Variants in CSMD1 observed in about 807,000 individuals in gnomAD.
CSMD1 encodes CUB and Sushi multiple domains 1.
A neutral mutation model predicts 417.5 loss-of-function variants in CSMD1; 213 were observed. That is an observed-to-expected ratio of 0.51 (90% CI 0.46 to 0.57). The LOEUF (loss-of-function observed/expected upper bound fraction) is 0.57. CSMD1 is among the 20% of genes least tolerant of loss of function. CSMD1 has a pLI of 0.00. For missense variants in CSMD1, 6,923 were observed against 4,529.7 expected, an observed-to-expected ratio of 1.53 and a Z score of -15.17; for synonymous variants, 2,862 against 1,736.8, an observed-to-expected ratio of 1.65 and a Z score of -16.11.
chr8:3,037,714 T>G (rs1224418116), intron 50 of CSMD1, among the ~76,000 whole-genome samples: 2 of 152,212 alleles, frequency 1.3e-5, no homozygotes, highest in Admixed American at 6.5e-5. Context: ...AACGAAATGA[T>G]TCCTAAATGA....
intron 1 of CSMD1, among the ~76,000 whole-genome samples, chr8:4,830,098 G>A (rs974080520): frequency 1.3e-5 from 2 of 152,270 alleles, no homozygotes; most frequent in South Asian, 4.1e-4. Flanking sequence ...GTACTGAAGA[G>A]CTACATTCTT....
chr8:3,486,637 G>A (rs1818050698), intron 11 of CSMD1, among the ~76,000 whole-genome samples: 1 of 152,232 alleles, frequency 6.6e-6, no homozygotes, highest in Admixed American at 6.5e-5. Flanking sequence ...CAGATTAGCT[G>A]AAATGGAGCA....
intron 30 of CSMD1, among the ~76,000 whole-genome samples, chr8:3,212,341 A>C (rs1273305457): frequency 6.6e-6 from 1 of 152,126 alleles, no homozygotes; most frequent in Non-Finnish European, 1.5e-5. Context: ...GCCTATGATC[A>C]CGATTTTAAA....
chr8:3,136,150 G>A (rs530301015), intron 41 of CSMD1, among the ~76,000 whole-genome samples: 36 of 152,080 alleles, frequency 2.4e-4, no homozygotes, highest in African/African-American at 5.5e-4. Flanking sequence ...TATGGAGTCC[G>A]GGTTAGTCCT....
Position 3,396,325 on chromosome 8 carries a change from G to T in CSMD1, c.2462C>A (p.Ser821Ter). The stretch of plus-strand genomic sequence containing the variant: ...GTGGTACTCGCCGATCAGTGGGGAC[G>T]AACTGGCTGGCCCATCTCTGACCTC... Reference protein sequence around the residue: ...TLEVRDGPASSSPLIGEYHGT... With the variant: ...TLEVRDGPAS The change falls in exon 17 of 70, where the codon TCG (serine) becomes TAG (stop). Residue 821 changes from serine to a stop codon, truncating the protein, a stop_gained. Coordinates refer to ENST00000635120, the MANE Select transcript of CSMD1 (RefSeq NM_033225.6). LOFTEE classifies it high-confidence loss of function. 1 of 1,607,826 alleles carries T rather than the reference G, an allele frequency of 6.2e-7. No homozygotes were observed. The highest frequency in any genetic ancestry group is 8.5e-7 in the Non-Finnish European group (1 of 1,177,144).
At chr8:3,686,705 G>A (rs1416373309) in intron 7 of CSMD1, among the ~76,000 whole-genome samples, 4 of 151,980 alleles carry the variant, frequency 2.6e-5, no homozygotes, top group East Asian at 3.9e-4. Context: ...CCTTACCCTC[G>A]CCCAAGTCCC....
At chr8:3,329,140 T>C (rs1045585123) in intron 23 of CSMD1, among the ~76,000 whole-genome samples, 2 of 152,076 alleles carry the variant, frequency 1.3e-5, no homozygotes, top group African/African-American at 4.8e-5. Flanking sequence ...AGATATGTAA[T>C]TGAAGGAGAG....
chr8:4,022,307 G>C (rs1415228384), intron 4 of CSMD1, among the ~76,000 whole-genome samples: 1 of 151,882 alleles, frequency 6.6e-6, no homozygotes, highest in Non-Finnish European at 1.5e-5. Context: ...AGGAAGAGAA[G>C]TATTATTTAG....
At chr8:3,635,793 C>CAAAAAAAAA (rs752552617) in intron 7 of CSMD1, among the ~76,000 whole-genome samples, 13 of 99,220 alleles carry the variant, frequency 1.3e-4, no homozygotes, top group African/African-American at 2.1e-4. Context: ...GCTTCCATCT[C>CAAAAAAAAA]AAAAAAAAAA....
chr8:4,823,754 A>C (rs1440461201), intron 1 of CSMD1, among the ~76,000 whole-genome samples: 2 of 152,052 alleles, frequency 1.3e-5, no homozygotes, highest in Admixed American at 6.6e-5. Context: ...AAACTTAGCC[A>C]GTGTGGTGGT....
chr8:3,878,096 T>A (rs1805950318), intron 5 of CSMD1, among the ~76,000 whole-genome samples: 1 of 152,226 alleles, frequency 6.6e-6, no homozygotes, highest in African/African-American at 2.4e-5. Context: ...TATCAGCTTC[T>A]GCCTGTCTTC....
chr8:3,067,713 G>A lies in CSMD1; in HGVS notation c.7475-15066C>T, dbSNP rs573985998. Reference sequence around the variant, plus strand: ...ATTGTATATGAAATATACAATAAACGAGTGGTTTTAACAATTATAGTTTAT... The same window carrying A: ...ATTGTATATGAAATATACAATAAACAAGTGGTTTTAACAATTATAGTTTAT... On this transcript the variant is annotated intron_variant, in intron 49 of 69. Coordinates refer to ENST00000635120, the MANE Select transcript of CSMD1 (RefSeq NM_033225.6). 1.9e-4 allele frequency among the ~76,000 whole-genome samples: 28 copies of A among 150,876 alleles called. No homozygotes were observed. The East Asian group carries it at 4.1e-3, about 22-fold the overall frequency.
chr8:3,619,217 G>A (rs543222655), intron 7 of CSMD1, among the ~76,000 whole-genome samples: 2 of 152,054 alleles, frequency 1.3e-5, no homozygotes, highest in Non-Finnish European at 2.9e-5. Flanking sequence ...ACAGCAAAAT[G>A]TACACACAAA....
chr8:3,676,741 T>C (rs1009336022), intron 7 of CSMD1, among the ~76,000 whole-genome samples: 2 of 152,198 alleles, frequency 1.3e-5, no homozygotes, highest in African/African-American at 2.4e-5. Context: ...ACGTATATAA[T>C]AAACATAGCA....
intron 3 of CSMD1, among the ~76,000 whole-genome samples, chr8:4,286,465 T>C (rs1797060849): frequency 6.6e-6 from 1 of 152,124 alleles, no homozygotes; most frequent in Admixed American, 6.6e-5. Context: ...GAATTACCCA[T>C]TGTGCCTCTT....
intron 54 of CSMD1, among the ~76,000 whole-genome samples, chr8:2,986,740 G>C (rs544365891): frequency 6.6e-6 from 1 of 152,014 alleles, no homozygotes; most frequent in Non-Finnish European, 1.5e-5. Flanking sequence ...TCCTGACCTC[G>C]TGATTCGCCT....
chr8:3,431,073 G>C (rs1235292460), intron 12 of CSMD1, among the ~76,000 whole-genome samples: 1 of 152,106 alleles, frequency 6.6e-6, no homozygotes, highest in Non-Finnish European at 1.5e-5. Flanking sequence ...GCAGTTTCCA[G>C]GCTTCCAGAC....
At chr8:4,274,343 T>G (rs1049291066) in intron 3 of CSMD1, among the ~76,000 whole-genome samples, 1 of 152,174 alleles carries the variant, frequency 6.6e-6, no homozygotes, top group African/African-American at 2.4e-5. Flanking sequence ...ATGACTTTTT[T>G]TACGTTTCAC....
At chr8:3,508,631 T>A (rs2117382542) in intron 10 of CSMD1, among the ~76,000 whole-genome samples, 1 of 152,340 alleles carries the variant, frequency 6.6e-6, no homozygotes, top group South Asian at 2.1e-4. Context: ...AATCACTGAT[T>A]TATTCAATCA....
Sources: allele counts gnomAD v4.1 joint callset (sites outside exome capture counted in the v4.1 genomes callset), GRCh38; gene constraint gnomAD v4.1.1; transcripts MANE v1.5; gene names NCBI Gene and HGNC (gene_info 2026-07-23, HGNC 2026-07-21).